Variants in FZR1 observed in about 807,000 individuals in gnomAD.
The protein encoded by FZR1 is fizzy and cell division cycle 20 related 1.
A neutral mutation model predicts 63.6 loss-of-function variants in FZR1; 11 were observed. That is an observed-to-expected ratio of 0.17 (90% CI 0.11 to 0.29). The LOEUF is 0.29. FZR1 is among the 10% of genes least tolerant of loss of function. FZR1 has a pLI of 1.00. For missense variants in FZR1, 440 were observed against 687.5 expected (o/e 0.64, Z 4.03); for synonymous variants, 328 against 297.9 (o/e 1.10, Z -1.04).
rs868594965 is a variant in FZR1 at position 3,524,954 on chromosome 19, G to A, written c.70-914G>A. ...AATCAGAGTCCCATTCCCAGGTTGCGGGGCTCAGGACTTCACAGTATCCTT... is the reference window on the plus strand; with the variant it reads ...AATCAGAGTCCCATTCCCAGGTTGCAGGGCTCAGGACTTCACAGTATCCTT... On this transcript the variant is annotated intron_variant, in intron 2 of 13. Transcript: ENST00000441788. Among the ~76,000 whole-genome samples the A allele has an allele frequency of 8.5e-5, 13 of 152,238 alleles. No individual in the cohort carries two copies. In the Middle Eastern group the frequency reaches 0.014, roughly 159 times the overall value.
In FZR1 at chr19:3,531,969, G is replaced by A; in HGVS notation, c.882G>A (p.Leu294=). The change falls in exon 10 of 14, where the codon CTG becomes CTA. Residue 294 remains leucine (L), a synonymous_variant. Coordinates refer to ENST00000441788, the MANE Select transcript of FZR1 (RefSeq NM_016263.4). Reference sequence around the variant, plus strand: ...CCGGGAGCCGCGACCGCATGATCCTGCAGAGGGACATCCGCACCCCGCCAC... The same window carrying A: ...CCGGGAGCCGCGACCGCATGATCCTACAGAGGGACATCCGCACCCCGCCAC... The part of the protein sequence containing the change: ...LSSGSRDRMI[L]QRDIRTPPLQ... The A allele has an allele frequency of 6.3e-7, 1 of 1,580,164 alleles. No individual in the cohort carries two copies. The highest frequency in any genetic ancestry group is 8.6e-7 in the Non-Finnish European group (1 of 1,167,422).
At chr19:3,509,911 G>C (rs2083012858) in intron 1 of FZR1, among the ~76,000 whole-genome samples, 2 of 152,098 alleles carry the variant, frequency 1.3e-5, no homozygotes, top group Non-Finnish European at 2.9e-5. Context: ...GCTGCGAAGA[G>C]GCAGGCGCTG....
chr19:3,509,073 C>T (rs8107966), intron 1 of FZR1, among the ~76,000 whole-genome samples: 12,158 of 152,284 alleles, frequency 0.08, 1,622 homozygotes, highest in African/African-American at 0.27. Flanking sequence ...CTGTGGTCAC[C>T]AGTGACCTGC....
intron 7 of FZR1, among the ~76,000 whole-genome samples, chr19:3,528,245 G>C (rs2083182178): frequency 6.6e-6 from 1 of 152,258 alleles, no homozygotes; most frequent in Non-Finnish European, 1.5e-5. Context: ...CATGGAGCCT[G>C]CTAGTCCCTA....
At chr19:3,531,038 G>A (rs1003728138) in intron 8 of FZR1, among the ~76,000 whole-genome samples, 181 bp downstream of exon 8, 4 of 152,084 alleles carry the variant, frequency 2.6e-5, no homozygotes, top group African/African-American at 4.8e-5. Context: ...TAACAGGGAT[G>A]AGCAGGCACC....
intron 8 of FZR1, 37 bp from the exon 9 acceptor site, chr19:3,531,677 C>G: frequency 7.0e-7 from 1 of 1,437,968 alleles, no homozygotes; most frequent in African/African-American, 1.4e-5. Context: ...CCGGGCCAGA[C>G]CTGACACCGG....
rs2083115792 is a variant in FZR1 at position 3,522,882 on chromosome 19, A to G, written c.-34-74A>G. On this transcript the variant is annotated intron_variant, in intron 1 of 13. Coordinates refer to ENST00000441788, the MANE Select transcript of FZR1 (RefSeq NM_016263.4). ...AGTCACTCTAGCTCCCAGGGCCTGG[A>G]GGTGCAGGCGAGCCCCGTGGTCTCC... is the stretch of plus-strand genomic sequence containing the variant. 3.8e-6 allele frequency: 3 copies of G among 782,464 alleles called. No homozygotes were observed. The South Asian group carries it at 4.2e-5, about 11-fold the overall frequency. The allele number at this position is 782,464 out of a possible 1,614,324, so 48.5% of individuals were successfully genotyped here.
chr19:3,528,675 G>A (rs1260935238), intron 7 of FZR1, among the ~76,000 whole-genome samples: 1 of 148,034 alleles, frequency 6.8e-6, no homozygotes, highest in Non-Finnish European at 1.5e-5. Context: ...GGATGAGAGA[G>A]TGGATGGGTG....
At chr19:3,532,228 C>G in intron 10 of FZR1, 133 bp downstream of exon 10, 2 of 960,494 alleles carry the variant, frequency 2.1e-6, no homozygotes, top group Non-Finnish European at 1.5e-6. Flanking sequence ...GGGCACCAGG[C>G]TTGTCCTTCC....
At chr19:3,522,884 G>A (rs2083115815) in intron 1 of FZR1, 72 bp from the exon 2 acceptor site, 1 of 790,392 alleles carries the variant, frequency 1.3e-6, no homozygotes. Flanking sequence ...GGGCCTGGAG[G>A]TGCAGGCGAG....
At chr19:3,534,096 T>C (rs2122030353) in intron 12 of FZR1, among the ~76,000 whole-genome samples, 1 of 152,042 alleles carries the variant, frequency 6.6e-6, no homozygotes, top group Non-Finnish European at 1.5e-5. Context: ...GGTGTGCACC[T>C]GTAGTCCCAG....
rs1050746052 is a variant in FZR1 at position 3,536,915 on chromosome 19, C to T, written c.*2079C>T. On this transcript the variant is annotated 3_prime_UTR_variant, in exon 14 of 14. Coordinates refer to ENST00000441788, the MANE Select transcript of FZR1 (RefSeq NM_016263.4). ...GCTCAGCCCTCGAAGGCCGCAGAGA[C>T]GCCTCCCAGGCCCGTCTGCCAGGGC... 7 of 152,262 alleles carry T rather than the reference C, an allele frequency of 4.6e-5. No individual in the cohort carries two copies. The highest frequency in any genetic ancestry group is 8.8e-5 in the Non-Finnish European group (6 of 68,068). 9.4% of individuals were successfully genotyped at this position (152,262 alleles called of 1,614,324 possible). A position where few individuals can be genotyped will look rare whatever the true frequency, so the allele number is the denominator to read the frequency against.
rs2121960912 is a variant in FZR1, at chr19:3,525,290, C to T, written c.70-578C>T. On this transcript the variant is annotated intron_variant, in intron 2 of 13. Coordinates refer to ENST00000441788, the MANE Select transcript of FZR1 (RefSeq NM_016263.4). The surrounding 1 kb of genome is among the most constrained non-coding windows in gnomAD (Gnocchi z 4.2). ...CTGCCACTCCACCCCGTCCCGTGGC[C>T]CTGCCCTCACCACCCTCCTGCCTGG... is the stretch of plus-strand genomic sequence containing the variant. Among the ~76,000 whole-genome samples the T allele has an allele frequency of 6.6e-6, 1 of 152,232 alleles. No homozygotes were observed. Among genetic ancestry groups the T allele is most frequent in the Middle Eastern group, 3.4e-3 (1 of 294 alleles).
Position 3,533,110 on chromosome 19 carries a change from G to A in FZR1, c.1243-184G>A, listed in dbSNP as rs539207431. On this transcript the variant is annotated intron_variant, in intron 11 of 13. Coordinates refer to ENST00000441788, the MANE Select transcript of FZR1 (RefSeq NM_016263.4). The surrounding 1 kb of genome is among the most constrained non-coding windows in gnomAD (Gnocchi z 4.9). ...TGGCGGTGGGTGGAGGGGTCCACCT[G>A]TGGCCTCCACACCTCCTAGACAGAC... Among the ~76,000 whole-genome samples, 50 of 152,208 alleles carry A rather than the reference G, an allele frequency of 3.3e-4. No homozygotes were observed. The highest frequency in any genetic ancestry group is 5.6e-4 in the Non-Finnish European group (38 of 67,984).
chr19:3,528,975 G>A (rs1175545444), intron 7 of FZR1, among the ~76,000 whole-genome samples: 1 of 150,602 alleles, frequency 6.6e-6, no homozygotes, highest in East Asian at 2.0e-4. Context: ...TGGGAGAGCA[G>A]ATGGTTGAGC....
In FZR1 at chr19:3,525,812, G is replaced by A; in HGVS notation, c.70-56G>A. The stretch of plus-strand genomic sequence containing the variant: ...AGAGGCTGAGAGAGGCTGGCCTGGG[G>A]GCACTCTCGGGGGGCTCTCGGTGCT... On this transcript the variant is annotated intron_variant, in intron 2 of 13. Transcript: ENST00000441788. This position sits in a 1 kb window ranked among gnomAD's most constrained non-coding sequence, Gnocchi z 4.2. The A allele has an allele frequency of 6.3e-7, 1 of 1,584,978 alleles. No individual in the cohort carries two copies. Among genetic ancestry groups the A allele is most frequent in the Non-Finnish European group, 8.6e-7 (1 of 1,167,836 alleles).
intron 1 of FZR1, among the ~76,000 whole-genome samples, chr19:3,512,939 G>A (rs1160571549): frequency 1.3e-5 from 2 of 152,124 alleles, no homozygotes; most frequent in Non-Finnish European, 2.9e-5. Flanking sequence ...GGATAGCTGG[G>A]TGACCCCCCA....
chr19:3,525,792 C>CTG lies in FZR1; in HGVS notation c.70-75_70-74dup, dbSNP rs1315935357. ...GCCCCCTTTGCTCAGTGGCCAGAGGCTGAGAGAGGCTGGCCTGGGGGCACT... is the reference window on the plus strand; with the variant it reads ...GCCCCCTTTGCTCAGTGGCCAGAGGCTGTGAGAGAGGCTGGCCTGGGGGCACT... On this transcript the variant is annotated intron_variant, in intron 2 of 13. Coordinates refer to ENST00000441788, the MANE Select transcript of FZR1 (RefSeq NM_016263.4). This position sits in a 1 kb window ranked among gnomAD's most constrained non-coding sequence, Gnocchi z 4.2. The CTG allele has an allele frequency of 1.9e-6, 3 of 1,545,908 alleles. No individual in the cohort carries two copies. In the African/African-American group the frequency reaches 4.1e-5, roughly 21 times the overall value.
chr19:3,532,396 C>T (rs1244834176), intron 10 of FZR1, 21 bp from the exon 11 acceptor site: 3 of 1,569,032 alleles, frequency 1.9e-6, no homozygotes, highest in African/African-American at 2.7e-5. Flanking sequence ...CAGCCCCGGC[C>T]TCACAGCCCC....
Sources: allele counts gnomAD v4.1 joint callset (sites outside exome capture counted in the v4.1 genomes callset), GRCh38; gene constraint gnomAD v4.1.1; non-coding constraint Gnocchi (gnomAD v3.1); transcripts MANE v1.5; gene names NCBI Gene and HGNC (gene_info 2026-07-23, HGNC 2026-07-21).